The following ZNF619 variants were observed in gnomAD, a reference collection of about 807,000 sequenced individuals.
The protein encoded by ZNF619 is zinc finger protein 619.
In ZNF619, 9 loss-of-function variants were observed where a neutral mutation model predicts 14.2. The ratio of observed to expected loss-of-function variants is 0.64; its 90% CI spans 0.38 to 1.11. The LOEUF (loss-of-function observed/expected upper bound fraction) is 1.11. Among genes scored for constraint, ZNF619 ranks in the 50% least tolerant of loss-of-function variants. ZNF619 has a pLI of 0.01. For missense variants in ZNF619, 659 were observed against 680.1 expected, an observed-to-expected ratio of 0.97 and a Z score of 0.34; for synonymous variants, 246 against 252.8, an observed-to-expected ratio of 0.97 and a Z score of 0.26.
rs1697689216 is a variant in ZNF619 at position 40,488,061 on chromosome 3, GC to G, written c.1553del (p.Pro518LeufsTer34). 6.2e-7 allele frequency: 1 copy of G among 1,614,044 alleles called. No homozygotes were observed. The highest frequency in any genetic ancestry group is 1.1e-5 in the South Asian group (1 of 91,076). On this transcript the variant is annotated frameshift_variant, in exon 5 of 5. Coordinates refer to ENST00000432264, the MANE Select transcript of ZNF619 (RefSeq NM_001145093.4). LOFTEE classifies it low-confidence loss of function (END_TRUNC). Reference protein sequence around the residue: ...HTCSALAPPGPPLSSSHAVVL... With the variant: ...HTCSALAPPGXPLSSSHAVVL... ...CCTGCTCTGCCCTAGCCCCACCAGG[GC>G]CTCCCTTATCTTCTTCACATGCAGT...
In ZNF619 at chr3:40,487,866, G is replaced by A; in HGVS notation, c.1356G>A (p.Gly452=). Residue 452 remains glycine, a synonymous_variant, in exon 5 of 5, where the codon GGG becomes GGA. Transcript: ENST00000432264. ...TLVQHQRVHT[G]EKPYECKECG... ...TTCAGCATCAGCGAGTTCACACTGG[G>A]GAGAAACCTTATGAGTGTAAGGAGT... 4 of 1,614,176 alleles carry A rather than the reference G, an allele frequency of 2.5e-6. No individual in the cohort carries two copies. Among genetic ancestry groups the A allele is most frequent in the Non-Finnish European group, 3.4e-6 (4 of 1,180,026 alleles).
At chr3:40,486,302 T>C (rs990660801) in intron 4 of ZNF619, among the ~76,000 whole-genome samples, 10 of 152,242 alleles carry the variant, frequency 6.6e-5, no homozygotes, top group African/African-American at 2.2e-4. Context: ...CACACTGTTT[T>C]TGTCATCCAT....
Position 40,486,983 on chromosome 3 carries a change from G to C in ZNF619, c.473G>C (p.Gly158Ala), listed in dbSNP as rs1168163473. The C allele has an allele frequency of 6.2e-7, 1 of 1,614,156 alleles. No homozygotes were observed. ...LHDTGNKTKIGDCTDLTVQDH... is the reference protein window; with the variant it reads ...LHDTGNKTKIADCTDLTVQDH... ...GATACAGGGAATAAAACAAAGATAG[G>C]GGATTGCACAGATTTGACAGTCCAG... is the stretch of plus-strand genomic sequence containing the variant. The change falls in exon 5 of 5, where the codon GGG becomes GCG. Residue 158 changes from glycine to alanine, a missense_variant. Transcript: ENST00000432264.
Position 40,487,097 on chromosome 3 carries a change from G to GT in ZNF619, c.591dup (p.Ala198CysfsTer8). On this transcript the variant is annotated frameshift_variant, in exon 5 of 5. Transcript: ENST00000432264. LOFTEE classifies it low-confidence loss of function (END_TRUNC). ...AGCACACATCTCATTACAAAGCAGGGTTTTGCCAAAGAACAGGTGTTTTAT... is the reference window on the plus strand; with the variant it reads ...AGCACACATCTCATTACAAAGCAGGGTTTTTGCCAAAGAACAGGTGTTTTAT... 6 of 1,614,126 alleles carry GT rather than the reference G, an allele frequency of 3.7e-6. No homozygotes were observed. The highest frequency in any genetic ancestry group is 5.1e-6 in the Non-Finnish European group (6 of 1,180,052).
chr3:40,477,537 G>C (rs1007673938), intron 1 of ZNF619, among the ~76,000 whole-genome samples, 180 bp downstream of exon 1: 1 of 152,146 alleles, frequency 6.6e-6, no homozygotes, highest in African/African-American at 2.4e-5. Flanking sequence ...GTTTGTTTAG[G>C]GGTCCCCGTT....
In ZNF619 at chr3:40,485,967, T is replaced by A. The variant is rs140987603; in HGVS notation, c.296-839T>A. On this transcript the variant is annotated intron_variant, in intron 4 of 4. Coordinates refer to ENST00000432264, the MANE Select transcript of ZNF619 (RefSeq NM_001145093.4). The stretch of plus-strand genomic sequence containing the variant: ...CTCATGAACCCTTTATAAGCAGCAG[T>A]GTTACAAACTGCTTTCTGTCCAGCC... Among the ~76,000 whole-genome samples the A allele has an allele frequency of 4.1e-3, 621 of 152,298 alleles. 2 individuals carry two copies. Among genetic ancestry groups the A allele is most frequent in the African/African-American group, 0.014 (567 of 41,564 alleles).
At chr3:40,483,757 T>C (rs754717504) in intron 4 of ZNF619, 11 of 385,226 alleles carry the variant, frequency 2.9e-5, no homozygotes, top group Middle Eastern at 9.0e-4. Flanking sequence ...ACCTCCCAAG[T>C]AGCTGGGATT....
At position 40,488,570 on chromosome 3, in the gene ZNF619, A is replaced by G. The variant is rs1697716166; in HGVS notation, c.*329A>G. ...CATTATGATTATGATGAGATGGGGC[A>G]TTATAATTAGAGACTAGGAGAAATG... On this transcript the variant is annotated 3_prime_UTR_variant, in exon 5 of 5. Transcript: ENST00000432264. 1 of 250,470 alleles carries G rather than the reference A, an allele frequency of 4.0e-6. No individual in the cohort carries two copies. Among genetic ancestry groups the G allele is most frequent in the Admixed American group, 4.9e-5 (1 of 20,568 alleles). The allele number at this position is 250,470 out of a possible 1,614,324, so 15.5% of individuals were successfully genotyped here. A position where few individuals can be genotyped will look rare whatever the true frequency, so the allele number is the denominator to read the frequency against.
At chr3:40,481,204 C>A (rs150377326) in intron 2 of ZNF619, among the ~76,000 whole-genome samples, 2 of 152,214 alleles carry the variant, frequency 1.3e-5, no homozygotes, top group Admixed American at 1.3e-4. Flanking sequence ...TAGTGGGAAG[C>A]AGAAAGAGAG....
chr3:40,477,726 A>T (rs1697240404), intron 1 of ZNF619, 192 bp from the exon 2 acceptor site: 1 of 494,262 alleles, frequency 2.0e-6, no homozygotes. Flanking sequence ...TAGAGTTTCC[A>T]GTGTCACCAA....
In ZNF619 at chr3:40,487,522, C is replaced by T; in HGVS notation, c.1012C>T (p.His338Tyr). 1 of 1,614,186 alleles carries T rather than the reference C, an allele frequency of 6.2e-7. No individual in the cohort carries two copies. The highest frequency in any genetic ancestry group is 8.5e-7 in the Non-Finnish European group (1 of 1,180,028). ...SYDCIIHERIHNGEKPYECKE... is the reference protein window; with the variant it reads ...SYDCIIHERIYNGEKPYECKE... The stretch of plus-strand genomic sequence containing the variant: ...TGACTGCATCATCCATGAACGAATT[C>T]ACAATGGGGAGAAGCCCTATGAATG... The change falls in exon 5 of 5, where the codon CAC (histidine) becomes TAC (tyrosine). Residue 338 changes from histidine to tyrosine, a missense_variant. Physicochemically the swap from His to Tyr is moderately conservative, Grantham distance 83 (BLOSUM62 2). Coordinates refer to ENST00000432264, the MANE Select transcript of ZNF619 (RefSeq NM_001145093.4).
At position 40,482,570 on chromosome 3, in the gene ZNF619, CTT is replaced by C; in HGVS notation, c.179-15_179-14del. The C allele has an allele frequency of 1.9e-6, 3 of 1,612,218 alleles. No homozygotes were observed. The highest frequency in any genetic ancestry group is 2.5e-6 in the Non-Finnish European group (3 of 1,178,358). ...GTTGATTCTCCTCAGCTTCATGTTC[CTT>C]TTCTTTCTCCTGTAGCAGCATTTCC... On this transcript the variant is annotated splice_polypyrimidine_tract_variant and intron_variant, in intron 3 of 4. Coordinates refer to ENST00000432264, the MANE Select transcript of ZNF619 (RefSeq NM_001145093.4).
At position 40,490,596 on chromosome 3, in the gene ZNF619, C is replaced by T. The variant is rs1697775829; in HGVS notation, c.*2355C>T. ...ATGGCAAGACCAGTCTCCCTCCTCT[C>T]CCCTTCTCAGCCTGCTTAACAAAAT... is the stretch of plus-strand genomic sequence containing the variant. On this transcript the variant is annotated 3_prime_UTR_variant, in exon 5 of 5. Transcript: ENST00000432264. Among the ~76,000 whole-genome samples the T allele has an allele frequency of 1.3e-5, 2 of 152,188 alleles. No homozygotes were observed. The highest frequency in any genetic ancestry group is 2.1e-4 in the South Asian group (1 of 4,822).
chr3:40,478,382 G>A (rs899523672), intron 2 of ZNF619, among the ~76,000 whole-genome samples: 1 of 152,174 alleles, frequency 6.6e-6, no homozygotes, highest in African/African-American at 2.4e-5. Flanking sequence ...ATTAAAATTT[G>A]AGGAGTGCTA....
chr3:40,482,636 G>T lies in ZNF619; in HGVS notation c.227G>T (p.Gly76Val), dbSNP rs1176256058. The change falls in exon 4 of 5, where the codon GGA (glycine) becomes GTA (valine). Residue 76 changes from glycine (G) to valine (V), a missense_variant. Gly to Val is a moderately radical substitution (Grantham distance 109, BLOSUM62 -3). Coordinates refer to ENST00000432264, the MANE Select transcript of ZNF619 (RefSeq NM_001145093.4). Reference protein sequence around the residue: ...KPDLIFQLEQGEAAWGPDPWT... With the variant: ...KPDLIFQLEQVEAAWGPDPWT... ...GATCTGATATTCCAGCTGGAGCAAGGAGAAGCAGCATGGGGCCCAGATCCC... is the reference window on the plus strand; with the variant it reads ...GATCTGATATTCCAGCTGGAGCAAGTAGAAGCAGCATGGGGCCCAGATCCC... 2 of 1,614,206 alleles carry T rather than the reference G, an allele frequency of 1.2e-6. No individual in the cohort carries two copies. The highest frequency in any genetic ancestry group is 2.2e-5 in the South Asian group (2 of 91,084).
chr3:40,485,672 T>C (rs1042088959), intron 4 of ZNF619, among the ~76,000 whole-genome samples: 2 of 152,012 alleles, frequency 1.3e-5, no homozygotes, highest in Non-Finnish European at 2.9e-5. Flanking sequence ...TGTGTGTGTG[T>C]GCACATGTCT....
At chr3:40,482,052 C>T (rs1697418114) in intron 3 of ZNF619, 36 bp downstream of exon 3, 2 of 1,568,486 alleles carry the variant, frequency 1.3e-6, no homozygotes, top group Non-Finnish European at 1.7e-6. Context: ...TCAGCTTCTG[C>T]CCTTGGGAGC....
intron 2 of ZNF619, among the ~76,000 whole-genome samples, chr3:40,480,657 C>T (rs906215206): frequency 6.6e-6 from 1 of 152,080 alleles, no homozygotes; most frequent in South Asian, 2.1e-4. Context: ...TGCCACCACG[C>T]CCGGCTAATT....
rs1422132033 is a variant in ZNF619 at position 40,486,859 on chromosome 3, A to G, written c.349A>G (p.Lys117Glu). 1 of 1,612,428 alleles carries G rather than the reference A, an allele frequency of 6.2e-7. No homozygotes were observed. The highest frequency in any genetic ancestry group is 8.5e-7 in the Non-Finnish European group (1 of 1,179,584). ...EEKTAQLNIS[K>E]ESESHRLIVE... Reference sequence around the variant, plus strand: ...AAAAACTGCACAGCTAAACATTTCTAAAGAATCAGAGTCCCACAGACTGAT... The same window carrying G: ...AAAAACTGCACAGCTAAACATTTCTGAAGAATCAGAGTCCCACAGACTGAT... The change falls in exon 5 of 5, where the codon AAA becomes GAA. Residue 117 changes from lysine to glutamate, a missense_variant. Transcript: ENST00000432264.
Sources: gnomAD v4.1 joint callset for allele counts (sites outside exome capture counted in the v4.1 genomes callset) on GRCh38, gnomAD v4.1.1 for gene constraint, MANE v1.5 for transcripts, NCBI Gene and HGNC (gene_info 2026-07-23, HGNC 2026-07-21) for gene names.